The following PRSS23 variants were observed in gnomAD, a reference collection of about 807,000 sequenced individuals.
The protein encoded by PRSS23 is serine protease 23.
A neutral mutation model predicts 34.7 loss-of-function variants in PRSS23; 25 were observed. That is an observed-to-expected ratio of 0.72 (90% CI 0.53 to 1.01). PRSS23 has a LOEUF of 1.01. Ranked by LOEUF, PRSS23 falls within the 50% of genes least tolerant of loss-of-function variation. The probability of loss-of-function intolerance (pLI) is 0.00; values close to 1 mark genes in which losing one functional copy is unlikely to be tolerated. For missense variants in PRSS23, 445 were observed against 475.6 expected, an observed-to-expected ratio of 0.94 and a Z score of 0.60; for synonymous variants, 176 against 186.6, an observed-to-expected ratio of 0.94 and a Z score of 0.46.
chr11:86,878,844 G>A (rs528935491), intron 2 of PRSS23, among the ~76,000 whole-genome samples: 59 of 147,810 alleles, frequency 4.0e-4, no homozygotes, highest in Admixed American at 1.6e-3. Flanking sequence ...CGGCCATCCC[G>A]TCTAGGAAGT....
At chr11:86,923,815 G>A (rs1004821720) in intron 2 of PRSS23, among the ~76,000 whole-genome samples, 1 of 152,220 alleles carries the variant, frequency 6.6e-6, no homozygotes, top group African/African-American at 2.4e-5. Flanking sequence ...CACCTGGCTT[G>A]TAAGTGACAG....
chr11:86,843,357 G>A (rs541109048), intron 2 of PRSS23, among the ~76,000 whole-genome samples: 18 of 152,176 alleles, frequency 1.2e-4, no homozygotes, highest in South Asian at 4.2e-4. Flanking sequence ...GGACATAGGC[G>A]TGGGCAAAGA....
intron 2 of PRSS23, among the ~76,000 whole-genome samples, chr11:86,894,060 C>T (rs966715126): frequency 6.6e-6 from 1 of 152,222 alleles, no homozygotes; most frequent in Non-Finnish European, 1.5e-5. Context: ...GTCGCCCAGG[C>T]TGGAGTGCAG....
chr11:86,899,220 G>A (rs2134981722), intron 2 of PRSS23, among the ~76,000 whole-genome samples: 1 of 152,062 alleles, frequency 6.6e-6, no homozygotes, highest in African/African-American at 2.4e-5. Flanking sequence ...CACAAGTCAA[G>A]AAAAAAATAC....
At position 86,808,952 on chromosome 11, in the gene PRSS23, A is replaced by T. The variant is rs1427741922; in HGVS notation, c.*157A>T. The T allele has an allele frequency of 1.2e-5, 8 of 644,612 alleles. No individual in the cohort carries two copies. In the East Asian group the frequency reaches 2.2e-4, roughly 18 times the overall value. 39.9% of individuals were successfully genotyped at this position (644,612 alleles called of 1,614,324 possible). On this transcript the variant is annotated 3_prime_UTR_variant, in exon 2 of 2. Coordinates refer to ENST00000280258, the MANE Select transcript of PRSS23 (RefSeq NM_007173.6). ...TTTACCTATTTCTTACAATTGCAAGATGACTGGCTTTACTATTTGAAAACT... is the reference window on the plus strand; with the variant it reads ...TTTACCTATTTCTTACAATTGCAAGTTGACTGGCTTTACTATTTGAAAACT...
downstream of PRSS23, among the ~76,000 whole-genome samples, chr11:86,816,144 T>C (rs1948213812): frequency 6.6e-6 from 1 of 152,216 alleles, no homozygotes; most frequent in African/African-American, 2.4e-5. Context: ...ATCCGTGTTT[T>C]CAACCTTCTG....
intron 1 of PRSS23, among the ~76,000 whole-genome samples, chr11:86,803,311 A>T (rs1948061999): frequency 6.6e-6 from 1 of 152,180 alleles, no homozygotes; most frequent in African/African-American, 2.4e-5. Flanking sequence ...TATAAGGGTG[A>T]GAGAGAATTT....
At chr11:86,863,964 C>T (rs1948632729) in intron 2 of PRSS23, among the ~76,000 whole-genome samples, 1 of 152,150 alleles carries the variant, frequency 6.6e-6, no homozygotes, top group Non-Finnish European at 1.5e-5. Context: ...TCACTTGGGA[C>T]CCCATGTCCA....
intron 2 of PRSS23, among the ~76,000 whole-genome samples, chr11:86,944,663 GTTTC>G (rs760950841): frequency 3.3e-5 from 5 of 152,158 alleles, no homozygotes; most frequent in Admixed American, 1.3e-4. Flanking sequence ...TTCAGAAAAT[GTTTC>G]TTTAAGTGCA....
chr11:86,839,583 A>G (rs563888062), intron 2 of PRSS23, among the ~76,000 whole-genome samples: 1 of 152,146 alleles, frequency 6.6e-6, no homozygotes, highest in Non-Finnish European at 1.5e-5. Flanking sequence ...CAACATTCAA[A>G]TTCAGGAAAT....
chr11:86,875,687 C>A (rs541157804), intron 2 of PRSS23, among the ~76,000 whole-genome samples: 2 of 152,206 alleles, frequency 1.3e-5, no homozygotes, highest in Admixed American at 6.5e-5. Flanking sequence ...AACATCAGAA[C>A]AAGTTTATTT....
Position 86,808,183 on chromosome 11 carries a change from A to G in PRSS23, c.540A>G (p.Gly180=), listed in dbSNP as rs1948129301. The change falls in exon 2 of 2, where the codon GGA becomes GGG. Residue 180 remains glycine, a synonymous_variant. Transcript: ENST00000280258. The part of the protein sequence containing the change: ...VLTAAHCIHD[G]KTYVKGTQKL... ...CAGCTGCCCACTGCATACACGATGG[A>G]AAAACCTATGTGAAAGGAACCCAGA... The G allele has an allele frequency of 2.5e-6, 4 of 1,614,046 alleles. No homozygotes were observed. Among genetic ancestry groups the G allele is most frequent in the Non-Finnish European group, 3.4e-6 (4 of 1,180,030 alleles).
intron 2 of PRSS23, among the ~76,000 whole-genome samples, chr11:86,824,003 C>G (rs1948276181): frequency 1.4e-5 from 1 of 71,470 alleles, no homozygotes; most frequent in Non-Finnish European, 2.3e-5. Flanking sequence ...GAGACTCCGT[C>G]TCAAAAAAAA....
chr11:86,862,355 AG>A (rs1233068600), intron 2 of PRSS23, among the ~76,000 whole-genome samples: 2 of 151,896 alleles, frequency 1.3e-5, no homozygotes, highest in Admixed American at 1.3e-4. Flanking sequence ...CCTAATGTAC[AG>A]GGGGTGTTCA....
chr11:86,895,641 A>G (rs956858871), intron 2 of PRSS23, among the ~76,000 whole-genome samples: 2 of 151,916 alleles, frequency 1.3e-5, no homozygotes, highest in South Asian at 2.1e-4. Context: ...TACCATGCCC[A>G]GCTAATTTTT....
intron 2 of PRSS23, among the ~76,000 whole-genome samples, chr11:86,836,092 C>T (rs1398345251): frequency 1.3e-5 from 2 of 152,090 alleles, no homozygotes; most frequent in East Asian, 1.9e-4. Context: ...GACTGTAAAC[C>T]ACTCTGCTTC....
chr11:86,859,428 G>A (rs111364044), intron 2 of PRSS23, among the ~76,000 whole-genome samples: 2 of 152,068 alleles, frequency 1.3e-5, no homozygotes, highest in African/African-American at 4.8e-5. Flanking sequence ...ACTATCCAAA[G>A]GGGAAGAGGC....
intron 1 of PRSS23, among the ~76,000 whole-genome samples, chr11:86,820,903 C>A (rs1948247053): frequency 6.6e-6 from 1 of 152,102 alleles, no homozygotes; most frequent in African/African-American, 2.4e-5. Context: ...TATTAACAGG[C>A]ATTATAAACA....
At chr11:86,838,603 G>A (rs1948424671) in intron 2 of PRSS23, among the ~76,000 whole-genome samples, 1 of 152,214 alleles carries the variant, frequency 6.6e-6, no homozygotes, top group Admixed American at 6.5e-5. Flanking sequence ...CTGTCTGACA[G>A]CTCTGAAGAG....
Sources: gnomAD v4.1 joint callset for allele counts (sites outside exome capture counted in the v4.1 genomes callset) on GRCh38, gnomAD v4.1.1 for gene constraint, MANE v1.5 for transcripts, NCBI Gene and HGNC (gene_info 2026-07-23, HGNC 2026-07-21) for gene names.